GFRAL: variants seen among roughly 807,000 people sequenced by gnomAD.
The protein encoded by GFRAL is GDNF family receptor alpha-like.
GFRAL carries 36 observed loss-of-function variants against 45.4 expected under a neutral mutation model. The observed-to-expected ratio is 0.79, with a 90% CI of 0.61 to 1.05. The LOEUF (loss-of-function observed/expected upper bound fraction) is 1.05, where lower values mean the gene tolerates loss of function less well. Among genes scored for constraint, GFRAL ranks in the 50% least tolerant of loss-of-function variants. GFRAL has a pLI of 0.00. For missense variants in GFRAL, 507 were observed against 467.5 expected (o/e 1.08, Z -0.78); for synonymous variants, 166 against 154.1 (o/e 1.08, Z -0.57).
At chr6:55,331,920 G>T (rs1029093794) in intron 2 of GFRAL, 71 bp downstream of exon 2, 81 of 1,419,056 alleles carry the variant, frequency 5.7e-5, no homozygotes, top group Admixed American at 2.0e-5. Context: ...TTGATATTTT[G>T]TCATTATCCT....
chr6:55,353,412 A>G (rs1768146202), intron 5 of GFRAL, among the ~76,000 whole-genome samples: 1 of 152,070 alleles, frequency 6.6e-6, no homozygotes, highest in South Asian at 2.1e-4. Context: ...TCCCTATAGC[A>G]CACATTCTAT....
chr6:55,327,545 G>A lies in GFRAL; in HGVS notation c.-10G>A, dbSNP rs763998031. ...TTTTTTTCCAGGTGAACTGCCGTGA[G>A]TTGTCCAGCATGATAGTGTTTATTT... On this transcript the variant is annotated 5_prime_UTR_variant, in exon 1 of 9. Transcript: ENST00000340465. 17 of 1,612,842 alleles carry A rather than the reference G, an allele frequency of 1.1e-5. No homozygotes were observed. The South Asian group carries it at 1.5e-4, about 15-fold the overall frequency.
chr6:55,336,665 T>A (rs962765738), intron 3 of GFRAL, among the ~76,000 whole-genome samples: 4 of 152,242 alleles, frequency 2.6e-5, no homozygotes, highest in African/African-American at 9.6e-5. Context: ...AATATTCTTG[T>A]CATCTATAAT....
At chr6:55,380,023 A>T (rs1768587694) in intron 6 of GFRAL, among the ~76,000 whole-genome samples, 1 of 151,920 alleles carries the variant, frequency 6.6e-6, no homozygotes, top group African/African-American at 2.4e-5. Context: ...TTGTGTATGT[A>T]TATCACATTT....
At chr6:55,393,939 G>A (rs1213254528) in intron 6 of GFRAL, among the ~76,000 whole-genome samples, 1 of 152,102 alleles carries the variant, frequency 6.6e-6, no homozygotes, top group East Asian at 1.9e-4. Context: ...GATTACTGGG[G>A]GTATTTATTG....
At chr6:55,334,046 GATTA>G (rs1333824625) in intron 3 of GFRAL, 102 bp downstream of exon 3, 10 of 767,526 alleles carry the variant, frequency 1.3e-5, no homozygotes, top group Non-Finnish European at 1.8e-5. Flanking sequence ...TTTGTAATTT[GATTA>G]ATTCTTTTCA....
intron 3 of GFRAL, among the ~76,000 whole-genome samples, chr6:55,336,496 T>G (rs1383316583): frequency 6.6e-6 from 1 of 152,234 alleles, no homozygotes; most frequent in Middle Eastern, 3.2e-3. Context: ...CAGGTTTTGG[T>G]GCTGTTACAA....
intron 6 of GFRAL, among the ~76,000 whole-genome samples, chr6:55,364,172 A>C (rs954901728): frequency 6.6e-6 from 1 of 150,768 alleles, no homozygotes; most frequent in African/African-American, 2.5e-5. Context: ...TTTGATTTGC[A>C]TTTCTCTGAC....
At position 55,399,168 on chromosome 6, in the gene GFRAL, A is replaced by AT. The variant is rs1349617646; in HGVS notation, c.953-8dup. ...ATATGTAACTAATCTCATTTTTATG[A>AT]TTTTCTTTCAGATTATCCAACCCTG... On this transcript the variant is annotated splice_polypyrimidine_tract_variant and intron_variant, in intron 6 of 8. Coordinates refer to ENST00000340465, the MANE Select transcript of GFRAL (RefSeq NM_207410.2). 1 of 1,430,724 alleles carries AT rather than the reference A, an allele frequency of 7.0e-7. No individual in the cohort carries two copies. Among genetic ancestry groups the AT allele is most frequent in the South Asian group, 1.3e-5 (1 of 77,876 alleles). 88.6% of individuals were successfully genotyped at this position (1,430,724 alleles called of 1,614,324 possible).
intron 6 of GFRAL, among the ~76,000 whole-genome samples, chr6:55,376,441 C>A (rs1167122897): frequency 6.6e-6 from 1 of 152,072 alleles, no homozygotes; most frequent in African/African-American, 2.4e-5. Context: ...ATGGTACCAG[C>A]TCTTCTTTGT....
At chr6:55,370,677 C>G (rs535208648) in intron 6 of GFRAL, among the ~76,000 whole-genome samples, 3 of 152,236 alleles carry the variant, frequency 2.0e-5, no homozygotes, top group South Asian at 2.1e-4. Flanking sequence ...GTCCAATAAA[C>G]CAATAAAATC....
chr6:55,353,880 A>G (rs552513289), intron 5 of GFRAL, among the ~76,000 whole-genome samples: 1 of 144,946 alleles, frequency 6.9e-6, no homozygotes, highest in South Asian at 2.1e-4. Flanking sequence ...TGATTACACT[A>G]CTTTTCTCAC....
At chr6:55,371,523 C>G (rs1768450234) in intron 6 of GFRAL, among the ~76,000 whole-genome samples, 1 of 152,006 alleles carries the variant, frequency 6.6e-6, no homozygotes. Context: ...TTGCCTTGTT[C>G]CTGATCTTGA....
intron 3 of GFRAL, among the ~76,000 whole-genome samples, chr6:55,336,227 A>C (rs1767889507): frequency 6.6e-6 from 1 of 152,188 alleles, no homozygotes; most frequent in African/African-American, 2.4e-5. Context: ...TACAGGTGTG[A>C]GCCACCGGGC....
In GFRAL at chr6:55,384,661, G is replaced by T. The variant is rs1502197; in HGVS notation, c.953-14519G>T. 1.8e-3 allele frequency among the ~76,000 whole-genome samples: 272 copies of T among 152,114 alleles called. 2 individuals carry two copies. Among genetic ancestry groups the T allele is most frequent in the South Asian group, 3.9e-3 (19 of 4,830 alleles). On this transcript the variant is annotated intron_variant, in intron 6 of 8. Coordinates refer to ENST00000340465, the MANE Select transcript of GFRAL (RefSeq NM_207410.2). Reference sequence around the variant, plus strand: ...AGAGCAACCAACAGATGTGTGTCAGGGAGAGATCAGCTGGATAAGGTTAGT... The same window carrying T: ...AGAGCAACCAACAGATGTGTGTCAGTGAGAGATCAGCTGGATAAGGTTAGT...
chr6:55,394,906 G>C (rs555620168), intron 6 of GFRAL, among the ~76,000 whole-genome samples: 2 of 151,994 alleles, frequency 1.3e-5, no homozygotes, highest in East Asian at 3.9e-4. Flanking sequence ...AATGAGAGAA[G>C]GAGGAGAAGG....
chr6:55,355,815 G>A (rs1768183231), intron 5 of GFRAL, among the ~76,000 whole-genome samples: 1 of 148,766 alleles, frequency 6.7e-6, no homozygotes, highest in African/African-American at 2.6e-5. Flanking sequence ...TAGAGGAAAA[G>A]CTTTCAGTTT....
In GFRAL at chr6:55,369,263, C is replaced by T. The variant is rs113706996; in HGVS notation, c.952+10125C>T. ...AGAAAGGGAACTCCCTGACCCCTTGCGCTTCCCAAGTGAGGCAATGCCTCG... is the reference window on the plus strand; with the variant it reads ...AGAAAGGGAACTCCCTGACCCCTTGTGCTTCCCAAGTGAGGCAATGCCTCG... On this transcript the variant is annotated intron_variant, in intron 6 of 8. Coordinates refer to ENST00000340465, the MANE Select transcript of GFRAL (RefSeq NM_207410.2). Among the ~76,000 whole-genome samples the T allele has an allele frequency of 5.1e-3, 773 of 152,312 alleles. 8 individuals carry two copies. The highest frequency in any genetic ancestry group is 0.015 in the African/African-American group (630 of 41,568).
At chr6:55,366,230 A>G (rs1768361043) in intron 6 of GFRAL, among the ~76,000 whole-genome samples, 1 of 151,824 alleles carries the variant, frequency 6.6e-6, no homozygotes, top group Non-Finnish European at 1.5e-5. Flanking sequence ...ATTTGTGTAG[A>G]GGTGTTTGTA....
Sources: allele counts gnomAD v4.1 joint callset (sites outside exome capture counted in the v4.1 genomes callset), GRCh38; gene constraint gnomAD v4.1.1; transcripts MANE v1.5; gene names NCBI Gene and HGNC (gene_info 2026-07-23, HGNC 2026-07-21).